NAV3: variants seen among roughly 807,000 people sequenced by gnomAD.
NAV3 encodes the protein pore membrane and/or filament interacting like protein 1.
In NAV3, 87 loss-of-function variants were observed where a neutral mutation model predicts 244.7. The observed-to-expected ratio is 0.36, with a 90% CI of 0.30 to 0.42. The LOEUF (loss-of-function observed/expected upper bound fraction) is 0.42, where lower values mean the gene tolerates loss of function less well. Among genes scored for constraint, NAV3 ranks in the 20% least tolerant of loss-of-function variants. The pLI, the probability that NAV3 is intolerant of heterozygous loss-of-function variation, is 1.00. For synonymous variants in NAV3, 1,126 were observed against 1,042.2 expected (o/e 1.08, Z -1.55); for missense variants, 2,663 against 2,893.3 (o/e 0.92, Z 1.83).
chr12:78,191,210 G>A (rs1259332015), intron 34 of NAV3, among the ~76,000 whole-genome samples: 1 of 152,056 alleles, frequency 6.6e-6, no homozygotes, highest in East Asian at 1.9e-4. Flanking sequence ...TGAACAAAAA[G>A]TATTAATTTT....
chr12:78,119,679 T>C lies in NAV3; in HGVS notation c.3483T>C (p.Ser1161=), dbSNP rs1249465559. 1.2e-6 allele frequency: 2 copies of C among 1,614,180 alleles called. No individual in the cohort carries two copies. The highest frequency in any genetic ancestry group is 3.3e-5 in the Admixed American group (2 of 60,026). The part of the protein sequence containing the change: ...GRGGHRSSTS[S]IDSNVSSKSA... The stretch of plus-strand genomic sequence containing the variant: ...GAGGCCACAGATCCAGTACCAGCAG[T>C]ATTGATTCCAACGTCAGCAGCAAGT... Residue 1161 remains serine (S), a synonymous_variant, in exon 15 of 40, where the codon AGT becomes AGC. Coordinates refer to ENST00000397909, the MANE Select transcript of NAV3 (RefSeq NM_001024383.2).
chr12:77,987,693 C>A (rs949121774), intron 5 of NAV3, among the ~76,000 whole-genome samples: 1 of 151,946 alleles, frequency 6.6e-6, no homozygotes, highest in Non-Finnish European at 1.5e-5. Flanking sequence ...CCCTGGAGAA[C>A]AACGCAGTCT....
chr12:77,900,855 T>C (rs1439704020), intron 1 of NAV3, among the ~76,000 whole-genome samples: 1 of 152,242 alleles, frequency 6.6e-6, no homozygotes, highest in East Asian at 1.9e-4. Flanking sequence ...ACCAAGAATG[T>C]ATAAGCATTC....
At chr12:77,874,077 G>A (rs922291475) in intron 1 of NAV3, among the ~76,000 whole-genome samples, 2 of 151,800 alleles carry the variant, frequency 1.3e-5, no homozygotes, top group Admixed American at 1.3e-4. Flanking sequence ...GAGAATTTAA[G>A]GCAGAACAGT....
chr12:77,984,992 A>G (rs572308572), intron 5 of NAV3, among the ~76,000 whole-genome samples: 3 of 152,018 alleles, frequency 2.0e-5, no homozygotes, highest in East Asian at 3.9e-4. Context: ...AATTTTTTGT[A>G]TTTTTAGTAC....
chr12:78,078,427 G>A (rs1327551543), intron 12 of NAV3, among the ~76,000 whole-genome samples: 1 of 105,956 alleles, frequency 9.4e-6, no homozygotes, highest in African/African-American at 3.7e-5. Flanking sequence ...ACGGAGTCTC[G>A]CTCTGTCGCC....
At chr12:77,909,408 A>T (rs1195974640) in intron 1 of NAV3, among the ~76,000 whole-genome samples, 1 of 151,894 alleles carries the variant, frequency 6.6e-6, no homozygotes, top group Non-Finnish European at 1.5e-5. Flanking sequence ...AAGAAGAAGC[A>T]TAAGAAATAC....
intron 2 of NAV3, among the ~76,000 whole-genome samples, chr12:77,797,338 T>G (rs1023419923): frequency 6.6e-6 from 1 of 152,164 alleles, no homozygotes; most frequent in African/African-American, 2.4e-5. Context: ...TAAAATTTAC[T>G]TTCTACATAT....
chr12:78,100,709 A>G (rs1954494518), intron 12 of NAV3, among the ~76,000 whole-genome samples: 1 of 151,790 alleles, frequency 6.6e-6, no homozygotes, highest in African/African-American at 2.4e-5. Context: ...TCTATATAAA[A>G]TCCTTTAAGG....
intron 22 of NAV3, among the ~76,000 whole-genome samples, chr12:78,155,178 A>C (rs1226993421): frequency 6.6e-6 from 1 of 151,682 alleles, no homozygotes; most frequent in Non-Finnish European, 1.5e-5. Flanking sequence ...TCCCTCCCCT[A>C]ACTCCCACTG....
At position 77,615,373 on chromosome 12, in the gene NAV3, GA is replaced by G. The variant is rs564651620; in HGVS notation, c.72+43108del. ...CAAGATAGTGATCATGATAGTACCT[GA>G]TCTATGGATCAGTGTTTACAGTGTC... On this transcript the variant is annotated intron_variant, in intron 2 of 8. Transcript: ENST00000550042. 4.1e-3 allele frequency among the ~76,000 whole-genome samples: 620 copies of G among 152,240 alleles called. 3 individuals carry two copies. The highest frequency in any genetic ancestry group is 0.014 in the African/African-American group (579 of 41,556).
intron 2 of NAV3, among the ~76,000 whole-genome samples, chr12:77,624,104 G>T (rs1014536209): frequency 8.5e-5 from 13 of 152,186 alleles, no homozygotes; most frequent in African/African-American, 3.1e-4. Flanking sequence ...AAAGCAGGAT[G>T]AGTGGGTTGA....
intron 12 of NAV3, among the ~76,000 whole-genome samples, chr12:78,075,874 A>T (rs953795983): frequency 1.3e-5 from 2 of 152,180 alleles, no homozygotes. Flanking sequence ...TCTCAGTCCT[A>T]TATAATTCAG....
intron 1 of NAV3, among the ~76,000 whole-genome samples, chr12:77,869,669 A>G (rs895433239): frequency 6.6e-6 from 1 of 152,134 alleles, no homozygotes; most frequent in Non-Finnish European, 1.5e-5. Flanking sequence ...CCCACCCCCA[A>G]TTCTAGATCC....
At chr12:77,638,205 C>T (rs763656951) in intron 2 of NAV3, among the ~76,000 whole-genome samples, 3 of 152,066 alleles carry the variant, frequency 2.0e-5, no homozygotes, top group Admixed American at 1.3e-4. Context: ...TAAATTTTTT[C>T]GAATTGTCAA....
intron 2 of NAV3, among the ~76,000 whole-genome samples, chr12:77,602,619 G>T (rs989653116): frequency 2.0e-5 from 3 of 151,858 alleles, no homozygotes; most frequent in Non-Finnish European, 4.4e-5. Flanking sequence ...GTTGTAAAGA[G>T]AGCAGAGGGG....
At chr12:77,897,592 C>T (rs1179326631) in intron 1 of NAV3, among the ~76,000 whole-genome samples, 3 of 152,064 alleles carry the variant, frequency 2.0e-5, no homozygotes, top group Non-Finnish European at 2.9e-5. Flanking sequence ...CTGTCCTAGG[C>T]TTCATACTTA....
chr12:78,078,204 A>G (rs537333766), intron 12 of NAV3, among the ~76,000 whole-genome samples: 3 of 152,114 alleles, frequency 2.0e-5, no homozygotes, highest in Non-Finnish European at 2.9e-5. Flanking sequence ...TAAAGACCCT[A>G]TCTCCAAGTA....
chr12:77,593,280 C>CTG (rs10538987), intron 2 of NAV3, among the ~76,000 whole-genome samples: 9,324 of 149,022 alleles, frequency 0.063, 287 homozygotes, highest in Middle Eastern at 0.11. Flanking sequence ...GTATGTGTGT[C>CTG]TGTGTGTGTG....
Sources: allele counts gnomAD v4.1 joint callset (sites outside exome capture counted in the v4.1 genomes callset), GRCh38; gene constraint gnomAD v4.1.1; transcripts MANE v1.5; gene names NCBI Gene and HGNC (gene_info 2026-07-23, HGNC 2026-07-21).